Variants in AGMO observed in about 807,000 individuals in gnomAD.
AGMO encodes the protein glyceryl-ether monooxygenase.
A neutral mutation model predicts 60.2 loss-of-function variants in AGMO; 75 were observed. That is an observed-to-expected ratio of 1.25 (90% CI 1.03 to 1.51). The LOEUF (loss-of-function observed/expected upper bound fraction) is 1.51, where lower values mean the gene tolerates loss of function less well. AGMO is among the 40% of genes most tolerant of loss of function. AGMO has a pLI of 0.00. For synonymous variants in AGMO, 261 were observed against 177.1 expected (o/e 1.47, Z -3.76); for missense variants, 763 against 525.5 (o/e 1.45, Z -4.42).
intron 12 of AGMO, among the ~76,000 whole-genome samples, chr7:15,274,628 A>C (rs903118757): frequency 1.7e-4 from 26 of 151,230 alleles, no homozygotes; most frequent in African/African-American, 6.3e-4. Context: ...TATTTTTTTC[A>C]GTAAGTTTGG....
chr7:15,288,754 A>C (rs1206898024), intron 12 of AGMO, among the ~76,000 whole-genome samples: 1 of 151,652 alleles, frequency 6.6e-6, no homozygotes, highest in Non-Finnish European at 1.5e-5. Context: ...TTTGAGGAAT[A>C]AATCATCCTG....
intron 12 of AGMO, among the ~76,000 whole-genome samples, chr7:15,282,754 C>G (rs949262422): frequency 2.6e-5 from 4 of 152,062 alleles, no homozygotes; most frequent in African/African-American, 9.7e-5. Context: ...CTAGGAGAGT[C>G]ATTGCAAAAA....
intron 12 of AGMO, among the ~76,000 whole-genome samples, chr7:15,282,184 C>A (rs769981104): frequency 1.3e-5 from 2 of 151,996 alleles, no homozygotes; most frequent in Non-Finnish European, 2.9e-5. Flanking sequence ...CATAACATCT[C>A]CAAAAGATCA....
the AGMO span, among the ~76,000 whole-genome samples, chr7:15,192,019 A>G: frequency 6.6e-6 from 1 of 151,686 alleles, no homozygotes; most frequent in African/African-American, 2.4e-5. Context: ...AGAACTATTC[A>G]TCAAAAATCT....
intron 4 of AGMO, among the ~76,000 whole-genome samples, chr7:15,428,353 G>C (rs10277024): frequency 2.6e-5 from 4 of 151,832 alleles, no homozygotes; most frequent in Admixed American, 1.3e-4. Flanking sequence ...AGTTCCCGCA[G>C]TCCCCTTCCA....
At chr7:15,261,689 C>G (rs568077205) in intron 12 of AGMO, among the ~76,000 whole-genome samples, 3 of 151,476 alleles carry the variant, frequency 2.0e-5, no homozygotes, top group East Asian at 1.9e-4. Context: ...CAAGAAAGGA[C>G]ATAACAAAAA....
intron 12 of AGMO, among the ~76,000 whole-genome samples, chr7:15,206,252 T>C (rs931999422): frequency 4.7e-5 from 7 of 148,490 alleles, no homozygotes; most frequent in Non-Finnish European, 8.8e-5. Context: ...TAATTATAGA[T>C]TTTTTTTCTA....
At chr7:15,222,751 C>T (rs1009618298) in intron 12 of AGMO, among the ~76,000 whole-genome samples, 2 of 151,882 alleles carry the variant, frequency 1.3e-5, no homozygotes, top group African/African-American at 4.8e-5. Flanking sequence ...TGTGGTTTCC[C>T]CTATCTTTCT....
At chr7:15,428,926 T>C (rs1179693587) in intron 4 of AGMO, among the ~76,000 whole-genome samples, 2 of 152,062 alleles carry the variant, frequency 1.3e-5, no homozygotes, top group African/African-American at 4.8e-5. Context: ...ATCCAGCCTA[T>C]ATATTCAGCC....
At chr7:15,528,832 G>C (rs1345184264) in intron 3 of AGMO, among the ~76,000 whole-genome samples, 1 of 152,022 alleles carries the variant, frequency 6.6e-6, no homozygotes, top group African/African-American at 2.4e-5. Context: ...ATTTTTATTG[G>C]AGATGGAGTT....
the AGMO span, among the ~76,000 whole-genome samples, chr7:15,172,377 A>T: frequency 6.6e-6 from 1 of 152,192 alleles, no homozygotes; most frequent in Admixed American, 6.5e-5. Context: ...CACTGGGTTC[A>T]GGTTGAAGAT....
At chr7:15,191,973 TCACACACACACACA>T in the AGMO span, among the ~76,000 whole-genome samples, 2 of 144,746 alleles carry the variant, frequency 1.4e-5, no homozygotes, top group African/African-American at 5.2e-5. Context: ...TGTCTCTCTC[TCACACACACACACA>T]CACACACACA....
chr7:15,546,699 G>A (rs11508468), intron 2 of AGMO, among the ~76,000 whole-genome samples: 27,524 of 152,242 alleles, frequency 0.18, 2,601 homozygotes, highest in Non-Finnish European at 0.19. Context: ...AAGTGTTGTG[G>A]AAACTCCAAG....
chr7:15,494,889 A>C (rs1331563802), intron 3 of AGMO, among the ~76,000 whole-genome samples: 2 of 152,234 alleles, frequency 1.3e-5, no homozygotes, highest in African/African-American at 4.8e-5. Flanking sequence ...CAGACTTACT[A>C]AATGCAAGTT....
In AGMO at chr7:15,314,514, G is replaced by C. The variant is rs184866604; in HGVS notation, c.1263+51000C>G. Reference sequence around the variant, plus strand: ...ATATTGTACTTTAAATCACATTCTAGTCTTTAAAAGTTTAACTGGATTTTC... The same window carrying C: ...ATATTGTACTTTAAATCACATTCTACTCTTTAAAAGTTTAACTGGATTTTC... On this transcript the variant is annotated intron_variant, in intron 12 of 12. Transcript: ENST00000342526. Among the ~76,000 whole-genome samples, 68 of 152,130 alleles carry C rather than the reference G, an allele frequency of 4.5e-4. No individual in the cohort carries two copies. In the East Asian group the frequency reaches 8.9e-3, roughly 20 times the overall value.
At chr7:15,549,961 A>T (rs1171915658) in intron 2 of AGMO, among the ~76,000 whole-genome samples, 2 of 150,280 alleles carry the variant, frequency 1.3e-5, no homozygotes, top group East Asian at 3.9e-4. Flanking sequence ...ATTATAACAA[A>T]CTATCTCTCA....
chr7:15,126,618 G>C, the AGMO span, among the ~76,000 whole-genome samples: 2 of 152,048 alleles, frequency 1.3e-5, no homozygotes, highest in Admixed American at 6.6e-5. Context: ...ATTCTCATCA[G>C]AAAGGTTTTA....
chr7:15,449,645 A>T (rs772740265), intron 3 of AGMO, among the ~76,000 whole-genome samples: 1 of 152,122 alleles, frequency 6.6e-6, no homozygotes, highest in Non-Finnish European at 1.5e-5. Flanking sequence ...GTGTAAGTAC[A>T]CTCTATGAGG....
intron 3 of AGMO, among the ~76,000 whole-genome samples, chr7:15,531,691 C>A (rs961658597): frequency 7.0e-6 from 1 of 142,788 alleles, no homozygotes; most frequent in Non-Finnish European, 1.5e-5. Context: ...CACTCTATTG[C>A]CCAGGCTGGA....
Sources: gnomAD v4.1 joint callset for allele counts (sites outside exome capture counted in the v4.1 genomes callset) on GRCh38, gnomAD v4.1.1 for gene constraint, MANE v1.5 for transcripts, NCBI Gene and HGNC (gene_info 2026-07-23, HGNC 2026-07-21) for gene names.